The following ARSG variants were observed in gnomAD, a reference collection of about 807,000 sequenced individuals.
ARSG encodes the protein arylsulfatase G, also known as ASG.
In ARSG, 37 loss-of-function variants were observed where a neutral mutation model predicts 50.5. The ratio of observed to expected loss-of-function variants is 0.73; its 90% CI spans 0.56 to 0.96. The LOEUF is 0.96. ARSG is among the 50% of genes least tolerant of loss of function. The pLI, the probability that ARSG is intolerant of heterozygous loss-of-function variation, is 0.00. For missense variants in ARSG, 629 were observed against 675.3 expected (o/e 0.93, Z 0.76); for synonymous variants, 225 against 254.6 (o/e 0.88, Z 1.11).
intron 10 of ARSG, among the ~76,000 whole-genome samples, chr17:68,396,594 A>G (rs960097789): frequency 4.6e-5 from 7 of 152,166 alleles, no homozygotes; most frequent in Non-Finnish European, 8.8e-5. Context: ...CCCACACATC[A>G]AAGGGTCTAT....
chr17:68,356,683 T>G lies in ARSG; in HGVS notation c.583T>G (p.Cys195Gly), dbSNP rs1485912402. 2.5e-6 allele frequency: 4 copies of G among 1,614,116 alleles called. No homozygotes were observed. In the African/African-American group the frequency reaches 5.3e-5, roughly 22 times the overall value. ...TCCACACAGGAACCTTCAAAGAGAC[T>G]GTTACACTGACGTGGCCCTCCCTCT... ...DGPSRNLQRD[C>G]YTDVALPLYE... is the part of the protein sequence containing the mutation. The change falls in exon 6 of 12, where the codon TGT becomes GGT. Residue 195 changes from cysteine to glycine, a missense_variant. Coordinates refer to ENST00000621439, the MANE Select transcript of ARSG (RefSeq NM_001267727.2).
chr17:68,309,168 T>C (rs1190764439), intron 2 of ARSG, among the ~76,000 whole-genome samples: 2 of 152,224 alleles, frequency 1.3e-5, no homozygotes, highest in African/African-American at 2.4e-5. Flanking sequence ...AAGCCCCTCA[T>C]TGCCCGGGGC....
intron 7 of ARSG, among the ~76,000 whole-genome samples, chr17:68,369,275 C>T (rs2079704957): frequency 6.6e-6 from 1 of 152,142 alleles, no homozygotes; most frequent in Non-Finnish European, 1.5e-5. Flanking sequence ...TGACTCACAC[C>T]TATAATCTAA....
chr17:68,409,858 C>T (rs2081922699), intron 11 of ARSG, among the ~76,000 whole-genome samples: 2 of 150,510 alleles, frequency 1.3e-5, no homozygotes, highest in African/African-American at 4.9e-5. Context: ...AGTTGGATTC[C>T]TAGGTATTTT....
At position 68,271,651 on chromosome 17, in the gene ARSG, A is replaced by G; in HGVS notation, c.-552+12225A>G. 1.2e-6 allele frequency: 2 copies of G among 1,610,474 alleles called. No homozygotes were observed. Among genetic ancestry groups the G allele is most frequent in the Non-Finnish European group, 1.7e-6 (2 of 1,177,036 alleles). On this transcript the variant is annotated intron_variant, in intron 1 of 11. Transcript: ENST00000448504. The surrounding 1 kb of genome is among the most constrained non-coding windows in gnomAD (Gnocchi z 5.3). ...GCCAATGCGCTCCTTCAGAGCCATGATTGCTTGAATAGGCAGGAGTGAAGA... is the reference window on the plus strand; with the variant it reads ...GCCAATGCGCTCCTTCAGAGCCATGGTTGCTTGAATAGGCAGGAGTGAAGA...
chr17:68,265,716 T>G (rs1568398045), intron 1 of ARSG, among the ~76,000 whole-genome samples: 1 of 151,694 alleles, frequency 6.6e-6, no homozygotes, highest in African/African-American at 2.4e-5. Context: ...TCCACTGTTT[T>G]TTTTTTTTTT....
intron 9 of ARSG, among the ~76,000 whole-genome samples, chr17:68,390,584 C>T (rs565505135): frequency 6.6e-6 from 1 of 152,138 alleles, no homozygotes; most frequent in East Asian, 1.9e-4. Context: ...AACCACTTCT[C>T]CATCAGACCC....
At chr17:68,448,772 A>G in the ARSG span, among the ~76,000 whole-genome samples, 1 of 152,236 alleles carries the variant, frequency 6.6e-6, no homozygotes, top group African/African-American at 2.4e-5. Flanking sequence ...AAGGATAAAA[A>G]GTTTAGCAGC....
intron 1 of ARSG, among the ~76,000 whole-genome samples, chr17:68,272,374 T>C (rs2075371108): frequency 6.6e-6 from 1 of 152,214 alleles, no homozygotes; most frequent in South Asian, 2.1e-4. Context: ...TACTAGATTA[T>C]TCTGGAATGC....
chr17:68,433,164 T>C, the ARSG span, among the ~76,000 whole-genome samples: 1 of 152,278 alleles, frequency 6.6e-6, no homozygotes, highest in Non-Finnish European at 1.5e-5. Flanking sequence ...CATTTAATAC[T>C]ACTGTTATGT....
chr17:68,394,031 A>G (rs913781786), intron 9 of ARSG, among the ~76,000 whole-genome samples: 1 of 152,082 alleles, frequency 6.6e-6, no homozygotes, highest in Non-Finnish European at 1.5e-5. Context: ...CATTGTTCAC[A>G]TGGCCATTGT....
At chr17:68,344,151 T>C (rs1333006955) in intron 3 of ARSG, among the ~76,000 whole-genome samples, 2 of 152,160 alleles carry the variant, frequency 1.3e-5, no homozygotes, top group Non-Finnish European at 2.9e-5. Context: ...CCAGCGACTT[T>C]AGGCCCCTGA....
At chr17:68,395,430 A>T (rs924322459) in intron 10 of ARSG, among the ~76,000 whole-genome samples, 2 of 152,204 alleles carry the variant, frequency 1.3e-5, no homozygotes, top group African/African-American at 4.8e-5. Flanking sequence ...TATACTAAAG[A>T]TACAAAAATT....
intron 1 of ARSG, among the ~76,000 whole-genome samples, chr17:68,285,088 A>C (rs1438528231): frequency 2.0e-5 from 3 of 152,202 alleles, no homozygotes; most frequent in Admixed American, 1.3e-4. Context: ...GCTGATGATG[A>C]TGCTAAGGAA....
intron 6 of ARSG, among the ~76,000 whole-genome samples, chr17:68,363,149 T>C (rs1357259266): frequency 2.0e-5 from 3 of 152,098 alleles, no homozygotes; most frequent in African/African-American, 7.2e-5. Context: ...ATGGCAGGGA[T>C]GGGGGCAGAG....
chr17:68,344,806 G>A (rs1303788151), intron 3 of ARSG, among the ~76,000 whole-genome samples: 1 of 152,210 alleles, frequency 6.6e-6, no homozygotes, highest in Non-Finnish European at 1.5e-5. Flanking sequence ...AGGGAGGGAG[G>A]GTGCAACCAC....
At chr17:68,317,058 C>CT (rs2077094601) in intron 2 of ARSG, among the ~76,000 whole-genome samples, 1 of 152,062 alleles carries the variant, frequency 6.6e-6, no homozygotes, top group South Asian at 2.1e-4. Context: ...TGTTTTTAAC[C>CT]TGGTTGCAGG....
At chr17:68,265,225 G>A (rs1452070866) in intron 1 of ARSG, among the ~76,000 whole-genome samples, 1 of 151,702 alleles carries the variant, frequency 6.6e-6, no homozygotes, top group Non-Finnish European at 1.5e-5. Flanking sequence ...CGGGCACGGT[G>A]ACTCATGCCT....
the ARSG span, among the ~76,000 whole-genome samples, chr17:68,439,775 A>G: frequency 2.0e-5 from 3 of 152,170 alleles, no homozygotes; most frequent in African/African-American, 4.8e-5. Context: ...CTGCTCTTTC[A>G]GGCCTGTTTC....
Sources: allele counts gnomAD v4.1 joint callset (sites outside exome capture counted in the v4.1 genomes callset), GRCh38; gene constraint gnomAD v4.1.1; non-coding constraint Gnocchi (gnomAD v3.1); transcripts MANE v1.5; gene names NCBI Gene and HGNC (gene_info 2026-07-23, HGNC 2026-07-21).